Variants in RBFOX1 observed in about 807,000 individuals in gnomAD.
RBFOX1 encodes the protein RNA binding protein fox-1 homolog 1.
Under a neutral mutation model 57.7 loss-of-function variants are expected in RBFOX1, and 8 were observed. That is an observed-to-expected ratio of 0.14 (90% CI 0.08 to 0.25). The LOEUF is 0.25. Ranked by LOEUF, RBFOX1 falls within the 10% of genes least tolerant of loss-of-function variation. The pLI is 1.00. For synonymous variants in RBFOX1, 326 were observed against 222.4 expected (o/e 1.47, Z -4.15); for missense variants, 611 against 548.5 (o/e 1.11, Z -1.14).
chr16:7,210,765 A>G (rs757497924), intron 4 of RBFOX1, among the ~76,000 whole-genome samples: 31 of 152,248 alleles, frequency 2.0e-4, no homozygotes, highest in Middle Eastern at 3.4e-3. Flanking sequence ...GTTAAATGAC[A>G]TGTCCAAGGT....
At chr16:6,695,956 A>G (rs1188417724) in intron 3 of RBFOX1, among the ~76,000 whole-genome samples, 3 of 152,202 alleles carry the variant, frequency 2.0e-5, no homozygotes, top group Admixed American at 1.3e-4. Flanking sequence ...ACCACATTGC[A>G]ATAAGCTTTT....
intron 1 of RBFOX1, among the ~76,000 whole-genome samples, chr16:6,106,919 C>T (rs2096387957): frequency 6.6e-6 from 1 of 152,126 alleles, no homozygotes; most frequent in Admixed American, 6.5e-5. Context: ...GATCTGCCCT[C>T]CTTGGCCTCC....
At chr16:6,849,308 T>G (rs2141891324) in intron 3 of RBFOX1, among the ~76,000 whole-genome samples, 1 of 152,196 alleles carries the variant, frequency 6.6e-6, no homozygotes, top group East Asian at 1.9e-4. Flanking sequence ...GCAAAAATCG[T>G]GTTCATTTTT....
At chr16:6,977,375 G>A (rs1440887488) in intron 3 of RBFOX1, among the ~76,000 whole-genome samples, 1 of 151,850 alleles carries the variant, frequency 6.6e-6, no homozygotes, top group Non-Finnish European at 1.5e-5. Context: ...TCTAGATACC[G>A]GGATATCTGG....
chr16:6,349,772 A>T (rs903724052), intron 2 of RBFOX1, among the ~76,000 whole-genome samples: 6 of 152,334 alleles, frequency 3.9e-5, no homozygotes, highest in Non-Finnish European at 8.8e-5. Context: ...GGAGGGTTGG[A>T]TATCTTCTCC....
rs145668787 is a variant in RBFOX1, at chr16:7,358,022, C to T, written c.28-160125C>T. ...CTTCCATGTGGGCTAATGACTAGTG[C>T]AGCCTGAGACCTGAGCTCGAACCAG... On this transcript the variant is annotated intron_variant, in intron 4 of 15. Coordinates refer to ENST00000550418, the MANE Select transcript of RBFOX1 (RefSeq NM_018723.4). Among the ~76,000 whole-genome samples the T allele has an allele frequency of 5.9e-3, 891 of 152,286 alleles. 10 individuals carry two copies. Among genetic ancestry groups the T allele is most frequent in the African/African-American group, 0.02 (831 of 41,550 alleles).
intron 3 of RBFOX1, among the ~76,000 whole-genome samples, chr16:6,772,902 TGTGTAA>T (rs2078586573): frequency 6.8e-6 from 1 of 146,526 alleles, no homozygotes; most frequent in African/African-American, 2.5e-5. Context: ...TTTGTGTGTG[TGTGTAA>T]GTGTGGGCTT....
intron 3 of RBFOX1, among the ~76,000 whole-genome samples, chr16:6,955,231 A>T (rs1050552949): frequency 6.6e-6 from 1 of 151,988 alleles, no homozygotes; most frequent in Non-Finnish European, 1.5e-5. Context: ...ACAGAGTGAG[A>T]CCTTGTCTGG....
At chr16:7,509,636 T>C (rs1025766610) in intron 4 of RBFOX1, among the ~76,000 whole-genome samples, 3 of 152,332 alleles carry the variant, frequency 2.0e-5, no homozygotes, top group Admixed American at 2.0e-4. Context: ...TCAGTTATGG[T>C]ATTTTTAAGA....
chr16:7,047,904 G>T (rs1367862263), intron 3 of RBFOX1, among the ~76,000 whole-genome samples: 5 of 150,344 alleles, frequency 3.3e-5, no homozygotes. Context: ...TTTTTGAGAC[G>T]TCTCACTCTT....
At chr16:7,285,172 G>A (rs1341209244) in intron 4 of RBFOX1, among the ~76,000 whole-genome samples, 2 of 120,184 alleles carry the variant, frequency 1.7e-5, no homozygotes, top group Non-Finnish European at 3.3e-5. Flanking sequence ...TGTATAATTT[G>A]ATTTTTAATT....
At chr16:6,270,797 C>T (rs1438673211) in intron 1 of RBFOX1, among the ~76,000 whole-genome samples, 1 of 152,048 alleles carries the variant, frequency 6.6e-6, no homozygotes, top group Non-Finnish European at 1.5e-5. Context: ...TGGGAGATAT[C>T]CTGGGCCATA....
At chr16:5,355,468 A>C (rs935610743) in intron 1 of RBFOX1, among the ~76,000 whole-genome samples, 2 of 152,154 alleles carry the variant, frequency 1.3e-5, no homozygotes, top group African/African-American at 4.8e-5. Context: ...GTCAGGAGGC[A>C]CCTTTGCTGG....
chr16:5,297,223 T>G (rs1482305865), intron 1 of RBFOX1, among the ~76,000 whole-genome samples: 1 of 152,086 alleles, frequency 6.6e-6, no homozygotes, highest in Non-Finnish European at 1.5e-5. Context: ...AACATGGGAG[T>G]GCAAATATCT....
At chr16:7,044,965 G>A (rs764352766) in intron 3 of RBFOX1, among the ~76,000 whole-genome samples, 9 of 152,144 alleles carry the variant, frequency 5.9e-5, no homozygotes, top group Non-Finnish European at 1.2e-4. Flanking sequence ...ATTACACCCT[G>A]TTTGGGGTGC....
chr16:6,828,522 T>C (rs1032808885), intron 3 of RBFOX1, among the ~76,000 whole-genome samples: 13 of 143,286 alleles, frequency 9.1e-5, no homozygotes, highest in South Asian at 4.5e-4. Flanking sequence ...GACGTGTCTT[T>C]AAAAAAAAAA....
At chr16:5,714,964 C>G (rs548631391) in intron 3 of RBFOX1, among the ~76,000 whole-genome samples, 1 of 152,256 alleles carries the variant, frequency 6.6e-6, no homozygotes, top group African/African-American at 2.4e-5. Flanking sequence ...ACTATACTTC[C>G]AGTTGTGTTG....
In RBFOX1 at chr16:5,309,703, T is replaced by C. The variant is rs527972268; in HGVS notation, c.219+69598T>C. Reference sequence around the variant, plus strand: ...CTGAGTCTCTGGTTTGGTAATGTCATTTAGTGCTTTTCAATTATGATTATA... The same window carrying C: ...CTGAGTCTCTGGTTTGGTAATGTCACTTAGTGCTTTTCAATTATGATTATA... On this transcript the variant is annotated intron_variant, in intron 1 of 2. Coordinates refer to the RBFOX1 transcript ENST00000585867. 3.7e-4 allele frequency among the ~76,000 whole-genome samples: 56 copies of C among 152,290 alleles called. 1 individual carries two copies. The highest frequency in any genetic ancestry group is 1.0e-3 in the Admixed American group (16 of 15,306).
At chr16:7,480,514 C>T (rs549555606) in intron 4 of RBFOX1, among the ~76,000 whole-genome samples, 3 of 152,074 alleles carry the variant, frequency 2.0e-5, no homozygotes, top group African/African-American at 7.2e-5. Context: ...TCACCGGCTC[C>T]GTTTAAAAAA....
Sources: gnomAD v4.1 joint callset for allele counts (sites outside exome capture counted in the v4.1 genomes callset) on GRCh38, gnomAD v4.1.1 for gene constraint, MANE v1.5 for transcripts, NCBI Gene and HGNC (gene_info 2026-07-23, HGNC 2026-07-21) for gene names.